The following ZNF536 variants were observed in gnomAD, a reference collection of about 807,000 sequenced individuals.
ZNF536 encodes zinc finger protein 536.
ZNF536 carries 13 observed loss-of-function variants against 84.5 expected under a neutral mutation model. The ratio of observed to expected loss-of-function variants is 0.15; its 90% CI spans 0.10 to 0.24. The LOEUF is 0.24. ZNF536 is among the 10% of genes least tolerant of loss of function. The probability of loss-of-function intolerance (pLI) is 1.00; values close to 1 mark genes in which losing one functional copy is unlikely to be tolerated. For synonymous variants in ZNF536, 811 were observed against 742.5 expected, an observed-to-expected ratio of 1.09 and a Z score of -1.50; for missense variants, 1,536 against 1,747.5, an observed-to-expected ratio of 0.88 and a Z score of 2.16.
intron 2 of ZNF536, among the ~76,000 whole-genome samples, chr19:30,472,394 G>A (rs913457925): frequency 8.5e-5 from 13 of 152,292 alleles, no homozygotes; most frequent in South Asian, 4.1e-4. Context: ...AACGATGCCC[G>A]GTATCTCACT....
intron 1 of ZNF536, among the ~76,000 whole-genome samples, chr19:30,589,164 A>G (rs2047194936): frequency 6.6e-6 from 1 of 152,162 alleles, no homozygotes. Flanking sequence ...CATGCTTGGG[A>G]GGGCTCTTTG....
At chr19:30,699,903 C>T (rs2051826155) in intron 1 of ZNF536, among the ~76,000 whole-genome samples, 1 of 152,232 alleles carries the variant, frequency 6.6e-6, no homozygotes, top group African/African-American at 2.4e-5. Context: ...TACCACCATA[C>T]CCAGTGGATT....
At chr19:30,375,073 C>T (rs1600448163) in intron 1 of ZNF536, among the ~76,000 whole-genome samples, 2 of 151,872 alleles carry the variant, frequency 1.3e-5, no homozygotes. Flanking sequence ...TTACCAAAGA[C>T]GGTGGGAGTA....
At chr19:30,271,307 T>C (rs952755240) in intron 1 of ZNF536, among the ~76,000 whole-genome samples, 2 of 148,724 alleles carry the variant, frequency 1.3e-5, no homozygotes. Flanking sequence ...TTCTTTTTTT[T>C]TTTTTTTTTT....
At chr19:30,532,431 C>T (rs1373913688) in intron 2 of ZNF536, among the ~76,000 whole-genome samples, 4 of 152,256 alleles carry the variant, frequency 2.6e-5, no homozygotes, top group South Asian at 4.1e-4. Context: ...ATGCCCGGCC[C>T]AATAATTACA....
intron 1 of ZNF536, among the ~76,000 whole-genome samples, chr19:30,391,453 G>A (rs59511848): frequency 0.071 from 10,770 of 152,190 alleles, 1,321 homozygotes; most frequent in African/African-American, 0.24. Context: ...GTGCATGCCT[G>A]TAATCTCAGC....
intron 1 of ZNF536, among the ~76,000 whole-genome samples, chr19:30,424,002 C>T (rs1313342696): frequency 6.6e-6 from 1 of 152,124 alleles, no homozygotes; most frequent in Admixed American, 6.5e-5. Context: ...TCTGCACCTA[C>T]AGTCCCGGGT....
chr19:30,657,880 A>G (rs1437663962), intron 1 of ZNF536, among the ~76,000 whole-genome samples: 4 of 152,174 alleles, frequency 2.6e-5, no homozygotes, highest in Non-Finnish European at 1.5e-5. Context: ...AATGGGTGTC[A>G]TCTCTTACCT....
chr19:30,419,897 G>A (rs1384509220), intron 1 of ZNF536, among the ~76,000 whole-genome samples: 2 of 152,212 alleles, frequency 1.3e-5, no homozygotes, highest in Admixed American at 6.5e-5. Context: ...GCTCAGTGAA[G>A]AGGAAAGGCA....
intron 1 of ZNF536, among the ~76,000 whole-genome samples, chr19:30,659,577 A>G (rs2050043791): frequency 6.6e-6 from 1 of 152,242 alleles, no homozygotes; most frequent in East Asian, 1.9e-4. Context: ...GAGGCCTCAC[A>G]AACATGGTGG....
chr19:30,538,090 T>C (rs780680975), intron 3 of ZNF536, among the ~76,000 whole-genome samples: 3 of 152,192 alleles, frequency 2.0e-5, no homozygotes, highest in Non-Finnish European at 4.4e-5. Flanking sequence ...AATCAACGTA[T>C]TTGTTAATAA....
chr19:30,501,219 C>T (rs2054937720), intron 2 of ZNF536, among the ~76,000 whole-genome samples: 1 of 152,204 alleles, frequency 6.6e-6, no homozygotes, highest in African/African-American at 2.4e-5. Context: ...AAGTTCTGTT[C>T]TTGTCTTGTC....
At chr19:30,261,855 C>A (rs1006564019) in intron 1 of ZNF536, among the ~76,000 whole-genome samples, 1 of 152,056 alleles carries the variant, frequency 6.6e-6, no homozygotes, top group African/African-American at 2.4e-5. Context: ...CTGAGGGTGG[C>A]CAGTGTTTCC....
intron 1 of ZNF536, among the ~76,000 whole-genome samples, chr19:30,693,917 G>C (rs1387387488): frequency 6.6e-6 from 1 of 152,166 alleles, no homozygotes; most frequent in Non-Finnish European, 1.5e-5. Context: ...CAACCTCACT[G>C]AATTTTGATG....
In ZNF536 at chr19:30,557,002, T is replaced by C. The variant is rs1299540078; in HGVS notation, c.3896-155T>C. On this transcript the variant is annotated intron_variant, in intron 4 of 4. Coordinates refer to ENST00000355537, the MANE Select transcript of ZNF536 (RefSeq NM_014717.3). The stretch of plus-strand genomic sequence containing the variant: ...CCCTAATCATGTTGACTATTCTTGC[T>C]TTAGCCAGAGACAGAAGGACCAAAT... 20 of 771,066 alleles carry C rather than the reference T, an allele frequency of 2.6e-5. No homozygotes were observed. The Admixed American group carries it at 4.7e-4, about 18-fold the overall frequency. 47.8% of individuals were successfully genotyped at this position (771,066 alleles called of 1,614,324 possible). A position where few individuals can be genotyped will look rare whatever the true frequency, so the allele number is the denominator to read the frequency against.
At chr19:30,602,763 A>G (rs1354818319) in intron 1 of ZNF536, among the ~76,000 whole-genome samples, 3 of 152,228 alleles carry the variant, frequency 2.0e-5, no homozygotes, top group African/African-American at 7.2e-5. Context: ...TATCCTGTCA[A>G]TTCTGTGCAA....
intron 2 of ZNF536, among the ~76,000 whole-genome samples, chr19:30,304,618 G>A (rs1481954648): frequency 6.6e-6 from 1 of 152,200 alleles, no homozygotes; most frequent in Non-Finnish European, 1.5e-5. Context: ...CCCAGAGCCG[G>A]CTGCTCTGGG....
At chr19:30,391,584 A>C (rs2049592384) in intron 1 of ZNF536, among the ~76,000 whole-genome samples, 1 of 151,922 alleles carries the variant, frequency 6.6e-6, no homozygotes, top group Non-Finnish European at 1.5e-5. Flanking sequence ...CTCAAAAAAC[A>C]AACAAACAAA....
At chr19:30,485,401 G>A (rs2054266042) in intron 2 of ZNF536, among the ~76,000 whole-genome samples, 1 of 152,014 alleles carries the variant, frequency 6.6e-6, no homozygotes, top group Non-Finnish European at 1.5e-5. Flanking sequence ...ATCAATTTTA[G>A]AACATTTCTA....
Sources: gnomAD v4.1 joint callset for allele counts (sites outside exome capture counted in the v4.1 genomes callset) on GRCh38, gnomAD v4.1.1 for gene constraint, MANE v1.5 for transcripts, NCBI Gene and HGNC (gene_info 2026-07-23, HGNC 2026-07-21) for gene names.